SMCHD1: variants seen among roughly 807,000 people sequenced by gnomAD.
The protein encoded by SMCHD1 is structural maintenance of chromosomes flexible hinge domain containing 1.
SMCHD1 carries 78 observed loss-of-function variants against 254.7 expected under a neutral mutation model. That is an observed-to-expected ratio of 0.31 (90% CI 0.26 to 0.37). SMCHD1 has a LOEUF of 0.37. Among genes scored for constraint, SMCHD1 ranks in the 10% least tolerant of loss-of-function variants. SMCHD1 has a pLI of 1.00. For synonymous variants in SMCHD1, 766 were observed against 794.9 expected (o/e 0.96, Z 0.61); for missense variants, 1,840 against 2,408.1 (o/e 0.76, Z 4.94).
intron 25 of SMCHD1, among the ~76,000 whole-genome samples, chr18:2,737,109 A>G (rs1458086817): frequency 6.6e-6 from 1 of 152,216 alleles, no homozygotes; most frequent in Non-Finnish European, 1.5e-5. Context: ...ATCCTAAGTG[A>G]ATTAATGCAG....
At chr18:2,656,729 T>C (rs530816843) in intron 1 of SMCHD1, among the ~76,000 whole-genome samples, 20 of 152,324 alleles carry the variant, frequency 1.3e-4, no homozygotes, top group African/African-American at 4.8e-4. Context: ...CTCCCCCAAG[T>C]TCATTAGATG....
chr18:2,789,107 A>G (rs909265640), intron 45 of SMCHD1, among the ~76,000 whole-genome samples: 5 of 152,040 alleles, frequency 3.3e-5, no homozygotes, highest in African/African-American at 1.2e-4. Context: ...ATAGCCTTCT[A>G]ACTTCCTGGG....
At chr18:2,746,952 A>G (rs961479862) in intron 29 of SMCHD1, among the ~76,000 whole-genome samples, 5 of 152,216 alleles carry the variant, frequency 3.3e-5, no homozygotes, top group Non-Finnish European at 4.4e-5. Flanking sequence ...TCAGCAAGAC[A>G]GTGTAGATCA....
chr18:2,777,553 G>A (rs1477807345), intron 42 of SMCHD1, among the ~76,000 whole-genome samples: 1 of 152,088 alleles, frequency 6.6e-6, no homozygotes, highest in Admixed American at 6.5e-5. Flanking sequence ...AAATGAAACT[G>A]TTATTTATTG....
chr18:2,749,316 G>A (rs965829410), intron 30 of SMCHD1, among the ~76,000 whole-genome samples: 3 of 152,210 alleles, frequency 2.0e-5, no homozygotes, highest in Non-Finnish European at 2.9e-5. Context: ...AAGTTGAGAT[G>A]GGTTTTAGGA....
intron 26 of SMCHD1, among the ~76,000 whole-genome samples, chr18:2,738,752 C>A (rs969564991): frequency 5.3e-5 from 8 of 152,130 alleles, no homozygotes; most frequent in Admixed American, 4.6e-4. Flanking sequence ...GTAGCTGGAA[C>A]CTTCATTAAA....
chr18:2,801,365 A>G (rs780812583), intron 47 of SMCHD1: 1 of 152,094 alleles, frequency 6.6e-6, no homozygotes, highest in Non-Finnish European at 1.5e-5. Context: ...TAGCTTTGTG[A>G]TGGCGGTATT....
chr18:2,800,620 G>GAGTCAC (rs1310945508), intron 47 of SMCHD1: 1 of 152,290 alleles, frequency 6.6e-6, no homozygotes, highest in East Asian at 1.9e-4. Flanking sequence ...TTACAGGCCT[G>GAGTCAC]AGTCACCATG....
At chr18:2,761,759 A>G (rs1326506210) in intron 35 of SMCHD1, among the ~76,000 whole-genome samples, 1 of 152,206 alleles carries the variant, frequency 6.6e-6, no homozygotes, top group Non-Finnish European at 1.5e-5. Flanking sequence ...CGGAGGTTGC[A>G]GTGAGCAGAG....
At chr18:2,710,418 G>A (rs2074640573) in intron 17 of SMCHD1, among the ~76,000 whole-genome samples, 1 of 152,118 alleles carries the variant, frequency 6.6e-6, no homozygotes, top group Admixed American at 6.5e-5. Context: ...TTCTATTTCT[G>A]CAGAAAACAC....
At chr18:2,717,037 A>C (rs568308747) in intron 17 of SMCHD1, among the ~76,000 whole-genome samples, 4 of 152,216 alleles carry the variant, frequency 2.6e-5, no homozygotes, top group African/African-American at 9.6e-5. Context: ...TTAGATCACA[A>C]ATCTTAGTCT....
intron 45 of SMCHD1, among the ~76,000 whole-genome samples, chr18:2,788,576 T>C (rs1352318016): frequency 6.6e-6 from 1 of 152,188 alleles, no homozygotes; most frequent in East Asian, 1.9e-4. Flanking sequence ...CAGAAAAATT[T>C]ACTTATTGTT....
At chr18:2,680,277 T>C (rs919846221) in intron 5 of SMCHD1, among the ~76,000 whole-genome samples, 4 of 151,790 alleles carry the variant, frequency 2.6e-5, no homozygotes, top group Admixed American at 6.6e-5. Context: ...TATAATAATA[T>C]AATGTAGCAA....
rs1421834502 is a variant in SMCHD1, at chr18:2,718,712, C to T, written c.2458+278C>T. 2.6e-5 allele frequency among the ~76,000 whole-genome samples: 4 copies of T among 152,004 alleles called. No individual in the cohort carries two copies. The highest frequency in any genetic ancestry group is 9.7e-5 in the African/African-American group (4 of 41,378). ...CTGGGATTACAGGCGCCCGCCACCA[C>T]ACCTGGCTTTTTGTATTTTTAGTAA... On this transcript the variant is annotated intron_variant, in intron 19 of 47. Coordinates refer to ENST00000320876, the MANE Select transcript of SMCHD1 (RefSeq NM_015295.3). The surrounding 1 kb of genome is among the most constrained non-coding windows in gnomAD (Gnocchi z 4.6).
intron 5 of SMCHD1, 37 bp from the exon 6 acceptor site, chr18:2,688,357 G>C (rs1253662753): frequency 2.1e-6 from 3 of 1,453,064 alleles, no homozygotes; most frequent in African/African-American, 2.8e-5. Flanking sequence ...CACTTAACTA[G>C]CTTGTTTAAA....
intron 37 of SMCHD1, chr18:2,764,193 G>A (rs2075830836): frequency 5.8e-6 from 1 of 173,512 alleles, no homozygotes. Context: ...AATATACAGT[G>A]CAAGAACCTC....
chr18:2,725,694 T>TA (rs1408028373), intron 21 of SMCHD1, among the ~76,000 whole-genome samples: 1 of 151,856 alleles, frequency 6.6e-6, no homozygotes, highest in African/African-American at 2.4e-5. Context: ...TCAAGTACTA[T>TA]ATGCTGCTTT....
chr18:2,656,056 C>A lies in SMCHD1; in HGVS notation c.-20C>A. ...GCCCGGCGGCGGCAGGCGTCGCTGT[C>A]TTTTCTCCTTTTCCCCAATATGGCA... On this transcript the variant is annotated 5_prime_UTR_variant, in exon 1 of 48. Transcript: ENST00000320876. 1.5e-6 allele frequency: 2 copies of A among 1,354,970 alleles called. No individual in the cohort carries two copies. Among genetic ancestry groups the A allele is most frequent in the East Asian group, 5.9e-5 (2 of 34,060 alleles). The allele number at this position is 1,354,970 out of a possible 1,614,324, so 83.9% of individuals were successfully genotyped here. A position where few individuals can be genotyped will look rare whatever the true frequency, so the allele number is the denominator to read the frequency against.
intron 5 of SMCHD1, among the ~76,000 whole-genome samples, chr18:2,687,243 T>C (rs1220261929): frequency 2.0e-5 from 3 of 152,174 alleles, no homozygotes; most frequent in Non-Finnish European, 4.4e-5. Context: ...AAAATTACTT[T>C]TGTATGTGTT....
Sources: gnomAD v4.1 joint callset for allele counts (sites outside exome capture counted in the v4.1 genomes callset) on GRCh38, gnomAD v4.1.1 for gene constraint, Gnocchi (gnomAD v3.1) non-coding constraint, MANE v1.5 for transcripts, NCBI Gene and HGNC (gene_info 2026-07-23, HGNC 2026-07-21) for gene names.